Variants in CNTN5 observed in about 807,000 individuals in gnomAD.
CNTN5 encodes contactin 5.
Under a neutral mutation model 129.1 loss-of-function variants are expected in CNTN5, and 77 were observed. The ratio of observed to expected loss-of-function variants is 0.60; its 90% confidence interval spans 0.50 to 0.72. The LOEUF (loss-of-function observed/expected upper bound fraction) is 0.72, where lower values mean the gene tolerates loss of function less well. Among genes scored for constraint, CNTN5 ranks in the 30% least tolerant of loss-of-function variants. The pLI, the probability that CNTN5 is intolerant of heterozygous loss-of-function variation, is 0.00. For missense variants in CNTN5, 1,478 were observed against 1,328.8 expected (o/e 1.11, Z -1.75); for synonymous variants, 509 against 465.6 (o/e 1.09, Z -1.20).
intron 3 of CNTN5, among the ~76,000 whole-genome samples, chr11:99,683,429 A>C (rs1953647295): frequency 6.6e-6 from 1 of 151,884 alleles, no homozygotes; most frequent in East Asian, 1.9e-4. Flanking sequence ...CTTCTTTGTC[A>C]CATTTTAAGT....
chr11:99,805,734 G>A (rs1946248869), intron 3 of CNTN5, among the ~76,000 whole-genome samples: 1 of 152,122 alleles, frequency 6.6e-6, no homozygotes, highest in African/African-American at 2.4e-5. Flanking sequence ...CACAAATGAA[G>A]GTCACATTTG....
At chr11:100,283,710 C>A (rs1251976367) in intron 18 of CNTN5, among the ~76,000 whole-genome samples, 1 of 152,072 alleles carries the variant, frequency 6.6e-6, no homozygotes, top group East Asian at 1.9e-4. Context: ...CTTTGGGAGG[C>A]CGAGGTGGGT....
At chr11:100,279,348 C>T (rs1156763469) in intron 18 of CNTN5, among the ~76,000 whole-genome samples, 3 of 151,696 alleles carry the variant, frequency 2.0e-5, no homozygotes, top group Non-Finnish European at 4.4e-5. Flanking sequence ...AGTGTTCCCT[C>T]CTTCTCTATT....
At chr11:99,399,834 T>C (rs1459304182) in intron 2 of CNTN5, among the ~76,000 whole-genome samples, 3 of 151,938 alleles carry the variant, frequency 2.0e-5, no homozygotes, top group Non-Finnish European at 4.4e-5. Context: ...TTAATTTCTT[T>C]GGCTTTTTTT....
At chr11:99,263,633 T>C (rs1000534253) in intron 1 of CNTN5, among the ~76,000 whole-genome samples, 1 of 152,142 alleles carries the variant, frequency 6.6e-6, no homozygotes, top group Non-Finnish European at 1.5e-5. Flanking sequence ...TTTTTATTTC[T>C]TGAGGCAGGT....
chr11:100,080,765 C>G (rs1418111421), intron 13 of CNTN5, among the ~76,000 whole-genome samples: 2 of 151,822 alleles, frequency 1.3e-5, no homozygotes, highest in East Asian at 3.9e-4. Context: ...CTGGGTTTTC[C>G]TTAGTGTGTA....
intron 1 of CNTN5, among the ~76,000 whole-genome samples, chr11:99,083,704 C>T (rs1171011530): frequency 6.6e-6 from 1 of 152,102 alleles, no homozygotes; most frequent in African/African-American, 2.4e-5. Flanking sequence ...AAATATACAA[C>T]ATTTTTAGTG....
At chr11:99,560,780 T>C (rs2135549741) in intron 3 of CNTN5, among the ~76,000 whole-genome samples, 3 of 152,172 alleles carry the variant, frequency 2.0e-5, no homozygotes, top group Non-Finnish European at 4.4e-5. Context: ...AACAACTAAG[T>C]CCATGGAAGG....
chr11:99,710,610 T>C (rs543741475), intron 3 of CNTN5, among the ~76,000 whole-genome samples: 2 of 151,098 alleles, frequency 1.3e-5, no homozygotes, highest in African/African-American at 4.9e-5. Flanking sequence ...TGTATGTATG[T>C]ATGTATGTTT....
rs1385948451 is a variant in CNTN5 at position 100,340,556 on chromosome 11, G to A, written c.2824G>A (p.Gly942Arg). Residue 942 changes from glycine (G) to arginine (R), a missense_variant, in exon 22 of 25, where the codon GGA becomes AGA. Gly to Arg is a moderately radical substitution (Grantham distance 125). Coordinates refer to ENST00000524871, the MANE Select transcript of CNTN5 (RefSeq NM_014361.4). The stretch of plus-strand genomic sequence containing the variant: ...TTTCGTCATCCTAACAGGATTAGAA[G>A]GAAATACGTTATATCACTTCACAGT... Reference protein sequence around the residue: ...ESFVILTGLEGNTLYHFTVRA... With the variant: ...ESFVILTGLERNTLYHFTVRA... 1.2e-6 allele frequency: 2 copies of A among 1,613,366 alleles called. No individual in the cohort carries two copies. The highest frequency in any genetic ancestry group is 1.7e-6 in the Non-Finnish European group (2 of 1,179,554).
At chr11:99,524,181 G>C (rs1337278594) in intron 2 of CNTN5, among the ~76,000 whole-genome samples, 2 of 152,186 alleles carry the variant, frequency 1.3e-5, no homozygotes, top group Admixed American at 6.5e-5. Context: ...GTCAATCACA[G>C]TTTCTGGTCT....
chr11:99,798,230 T>C (rs1015004726), intron 3 of CNTN5, among the ~76,000 whole-genome samples: 3 of 151,904 alleles, frequency 2.0e-5, no homozygotes, highest in African/African-American at 7.3e-5. Context: ...TGTTCTTGCA[T>C]TGGTTTGCTT....
At chr11:99,245,609 C>T (rs1282689858) in intron 1 of CNTN5, among the ~76,000 whole-genome samples, 2 of 152,184 alleles carry the variant, frequency 1.3e-5, no homozygotes, top group Non-Finnish European at 2.9e-5. Context: ...GCGTGAGCCA[C>T]AGTGCCTGGC....
chr11:100,321,219 ATTTT>A (rs984455250), intron 21 of CNTN5, among the ~76,000 whole-genome samples: 1 of 149,224 alleles, frequency 6.7e-6, no homozygotes, highest in Admixed American at 6.7e-5. Context: ...GTCTTCTTTG[ATTTT>A]TTTAATCAAT....
intron 3 of CNTN5, among the ~76,000 whole-genome samples, chr11:99,691,867 G>T (rs1417906155): frequency 6.6e-6 from 1 of 152,074 alleles, no homozygotes; most frequent in African/African-American, 2.4e-5. Flanking sequence ...CACTATTATT[G>T]TGTGGGAGTC....
intron 17 of CNTN5, among the ~76,000 whole-genome samples, chr11:100,263,998 C>G (rs1159218549): frequency 5.9e-5 from 9 of 152,116 alleles, no homozygotes; most frequent in Non-Finnish European, 1.3e-4. Flanking sequence ...GCTAGTTACA[C>G]TTATGTTCTG....
chr11:99,760,405 A>T (rs1229380237), intron 3 of CNTN5, among the ~76,000 whole-genome samples: 1 of 152,116 alleles, frequency 6.6e-6, no homozygotes. Flanking sequence ...TGATTTCAAA[A>T]TAGGATATAT....
In CNTN5 at chr11:99,412,194, A is replaced by G. The variant is rs2135013976; in HGVS notation, c.-71+86710A>G. 2.0e-5 allele frequency among the ~76,000 whole-genome samples: 3 copies of G among 152,324 alleles called. No individual in the cohort carries two copies. In the South Asian group the frequency reaches 6.2e-4, roughly 32 times the overall value. ...TAAGAAGGCAAATGACAAAGTTTTC[A>G]GAGTTTATAGAATATTGTAGTATAA... is the stretch of plus-strand genomic sequence containing the variant. On this transcript the variant is annotated intron_variant, in intron 2 of 24. Coordinates refer to ENST00000524871, the MANE Select transcript of CNTN5 (RefSeq NM_014361.4).
At chr11:99,816,629 A>G (rs552402803) in intron 3 of CNTN5, among the ~76,000 whole-genome samples, 45 of 152,302 alleles carry the variant, frequency 3.0e-4, no homozygotes, top group Admixed American at 6.5e-4. Flanking sequence ...ATCTTTGCCT[A>G]TATTACAGCT....
Sources: allele counts gnomAD v4.1 joint callset (sites outside exome capture counted in the v4.1 genomes callset), GRCh38; gene constraint gnomAD v4.1.1; transcripts MANE v1.5; gene names NCBI Gene and HGNC (gene_info 2026-07-23, HGNC 2026-07-21).